The following KMT5B variants were observed in gnomAD, a reference collection of about 807,000 sequenced individuals.
The protein encoded by KMT5B is lysine methyltransferase 5B.
In KMT5B, 10 loss-of-function variants were observed where a neutral mutation model predicts 83.2. The ratio of observed to expected loss-of-function variants is 0.12; its 90% confidence interval spans 0.07 to 0.20. The LOEUF (loss-of-function observed/expected upper bound fraction) is 0.20. KMT5B is among the 10% of genes least tolerant of loss of function. KMT5B has a pLI of 1.00. For synonymous variants in KMT5B, 349 were observed against 388.8 expected, an observed-to-expected ratio of 0.90 and a Z score of 1.20; for missense variants, 753 against 1,067.2, an observed-to-expected ratio of 0.71 and a Z score of 4.10.
chr11:68,176,993 A>AT (rs985945629), intron 4 of KMT5B, among the ~76,000 whole-genome samples: 1 of 152,036 alleles, frequency 6.6e-6, no homozygotes, highest in African/African-American at 2.4e-5. Context: ...ATTCAGCAGA[A>AT]TTTTTTTTCC....
Position 68,185,215 on chromosome 11 carries a change from T to C in KMT5B, c.308+566A>G, listed in dbSNP as rs553277400. Among the ~76,000 whole-genome samples, 55 of 152,332 alleles carry C rather than the reference T, an allele frequency of 3.6e-4. 1 individual carries two copies. The South Asian group carries it at 0.011, about 31-fold the overall frequency. On this transcript the variant is annotated intron_variant, in intron 3 of 10. Transcript: ENST00000304363. Reference sequence around the variant, plus strand: ...CGCTAAGATAATTGTCATCACCTTTTTTTTTTTGAGATGGAGTTTCGCTCT... The same window carrying C: ...CGCTAAGATAATTGTCATCACCTTTCTTTTTTTGAGATGGAGTTTCGCTCT...
At chr11:68,209,170 CATTAAA>C (rs1046022208) in intron 1 of KMT5B, among the ~76,000 whole-genome samples, 1 of 152,110 alleles carries the variant, frequency 6.6e-6, no homozygotes, top group African/African-American at 2.4e-5. Context: ...CCTCAGAGAC[CATTAAA>C]ATGTATCATA....
chr11:68,192,987 A>G (rs973908772), intron 1 of KMT5B, among the ~76,000 whole-genome samples: 6 of 152,176 alleles, frequency 3.9e-5, no homozygotes, highest in African/African-American at 1.4e-4. Flanking sequence ...ATTTATAATG[A>G]CCTTTGGAAA....
At chr11:68,164,073 G>C (rs1855089019) in intron 10 of KMT5B, among the ~76,000 whole-genome samples, 2 of 152,162 alleles carry the variant, frequency 1.3e-5, no homozygotes, top group African/African-American at 4.8e-5. Context: ...CGAGGCATAA[G>C]AGGCCTGAAA....
intron 9 of KMT5B, among the ~76,000 whole-genome samples, chr11:68,169,044 C>T (rs1315224296): frequency 6.6e-6 from 1 of 152,224 alleles, no homozygotes; most frequent in Non-Finnish European, 1.5e-5. Flanking sequence ...ATATATGCAG[C>T]CAATCTTGAA....
chr11:68,194,973 G>A (rs1295484679), intron 1 of KMT5B, among the ~76,000 whole-genome samples: 3 of 152,102 alleles, frequency 2.0e-5, no homozygotes, highest in Non-Finnish European at 4.4e-5. Context: ...CCAGGAGTTC[G>A]AGACCAGCCT....
At chr11:68,195,038 A>G (rs889808374) in intron 1 of KMT5B, among the ~76,000 whole-genome samples, 2 of 152,102 alleles carry the variant, frequency 1.3e-5, no homozygotes, top group East Asian at 3.9e-4. Context: ...AAAATTAGCC[A>G]AGGATGGTGG....
intron 1 of KMT5B, chr11:68,212,825 G>A (rs1447089965): frequency 3.9e-5 from 6 of 152,018 alleles, no homozygotes; most frequent in East Asian, 1.9e-4. Context: ...AGGGAAAACA[G>A]AGTCCCCCAA....
chr11:68,204,279 C>G (rs1215459505), intron 1 of KMT5B, among the ~76,000 whole-genome samples: 1 of 152,134 alleles, frequency 6.6e-6, no homozygotes, highest in Non-Finnish European at 1.5e-5. Flanking sequence ...ATCTCTGGAG[C>G]CTGTGAATGC....
intron 1 of KMT5B, among the ~76,000 whole-genome samples, chr11:68,198,014 G>C (rs1025885512): frequency 6.6e-6 from 1 of 152,160 alleles, no homozygotes; most frequent in African/African-American, 2.4e-5. Flanking sequence ...TGTTCTTGCT[G>C]GCATGATCTT....
At chr11:68,172,270 T>C (rs764044398) in intron 6 of KMT5B, among the ~76,000 whole-genome samples, 24 of 152,342 alleles carry the variant, frequency 1.6e-4, no homozygotes, top group Middle Eastern at 6.8e-3. Context: ...TCTCGCTCTG[T>C]TGCCCAGGCT....
chr11:68,158,981 T>C lies in KMT5B; in HGVS notation c.1365A>G (p.Arg455=). 4 of 1,611,998 alleles carry C rather than the reference T, an allele frequency of 2.5e-6. No individual in the cohort carries two copies. The highest frequency in any genetic ancestry group is 3.4e-6 in the Non-Finnish European group (4 of 1,179,584). Residue 455 remains arginine (R), a synonymous_variant, in exon 11 of 11, where the codon AGA becomes AGG. Transcript: ENST00000304363. The part of the protein sequence containing the change: ...AKPLLSKIKL[R]NHCKRLEQKN... ...TTTGCTCCAGCCGCTTGCAATGATT[T>C]CTCAATTTTATCTTTGAAAGTAAAG...
At chr11:68,206,936 C>T (rs928409033) in intron 1 of KMT5B, among the ~76,000 whole-genome samples, 1 of 152,182 alleles carries the variant, frequency 6.6e-6, no homozygotes, top group African/African-American at 2.4e-5. Flanking sequence ...GGCTGCAACA[C>T]GCATGATTAA....
intron 1 of KMT5B, among the ~76,000 whole-genome samples, chr11:68,206,921 C>A (rs571210215): frequency 1.3e-5 from 2 of 152,278 alleles, no homozygotes; most frequent in South Asian, 2.1e-4. Context: ...AGGAATGTAA[C>A]TTCTGGCTGC....
At chr11:68,188,860 G>T (rs2054351367) in intron 2 of KMT5B, among the ~76,000 whole-genome samples, 1 of 152,132 alleles carries the variant, frequency 6.6e-6, no homozygotes, top group Non-Finnish European at 1.5e-5. Flanking sequence ...GAGTGAGGCA[G>T]GATGAGGGTA....
At chr11:68,209,887 G>A (rs555401342) in intron 1 of KMT5B, among the ~76,000 whole-genome samples, 1 of 147,598 alleles carries the variant, frequency 6.8e-6, no homozygotes, top group Admixed American at 6.8e-5. Context: ...TTTTTTAAGA[G>A]ACGGAGTCTT....
chr11:68,158,968 G>A lies in KMT5B; in HGVS notation c.1378C>T (p.Arg460Trp), dbSNP rs910024869. ...CTTGAAGCATTCTTTTGCTCCAGCCGCTTGCAATGATTTCTCAATTTTATC... is the reference window on the plus strand; with the variant it reads ...CTTGAAGCATTCTTTTGCTCCAGCCACTTGCAATGATTTCTCAATTTTATC... ...SKIKLRNHCK[R>W]LEQKNASRKL... The change falls in exon 11 of 11, where the codon CGG (arginine) becomes TGG (tryptophan). Residue 460 changes from arginine (R) to tryptophan (W), a missense_variant. Coordinates refer to ENST00000304363, the MANE Select transcript of KMT5B (RefSeq NM_017635.5). 22 of 1,612,046 alleles carry A rather than the reference G, an allele frequency of 1.4e-5. No individual in the cohort carries two copies. Among genetic ancestry groups the A allele is most frequent in the Non-Finnish European group, 1.8e-5 (21 of 1,179,652 alleles).
chr11:68,190,215 C>T (rs1271676941), intron 1 of KMT5B, 63 bp from the exon 2 acceptor site: 5 of 711,640 alleles, frequency 7.0e-6, no homozygotes, highest in Non-Finnish European at 1.2e-5. Context: ...AAAGATCATG[C>T]TAAACAGACC....
chr11:68,202,737 CGGG>C (rs989061214), intron 1 of KMT5B, among the ~76,000 whole-genome samples: 14 of 151,496 alleles, frequency 9.2e-5, no homozygotes, highest in African/African-American at 3.4e-4. Context: ...TTAGTAGACA[CGGG>C]GTTTCACCAT....
Sources: gnomAD v4.1 joint callset for allele counts (sites outside exome capture counted in the v4.1 genomes callset) on GRCh38, gnomAD v4.1.1 for gene constraint, MANE v1.5 for transcripts, NCBI Gene and HGNC (gene_info 2026-07-23, HGNC 2026-07-21) for gene names.